Variants in PLCB1 observed in about 807,000 individuals in gnomAD.
PLCB1 encodes the protein 1-phosphatidylinositol 4,5-bisphosphate phosphodiesterase beta-1.
PLCB1 carries 46 observed loss-of-function variants against 161.8 expected under a neutral mutation model. That is an observed-to-expected ratio of 0.28 (90% CI 0.22 to 0.36). The LOEUF (loss-of-function observed/expected upper bound fraction) is 0.36. Ranked by LOEUF, PLCB1 falls within the 10% of genes least tolerant of loss-of-function variation. The pLI is 1.00. For missense variants in PLCB1, 1,016 were observed against 1,472.5 expected (o/e 0.69, Z 5.07); for synonymous variants, 517 against 503.7 (o/e 1.03, Z -0.35).
intron 2 of PLCB1, among the ~76,000 whole-genome samples, chr20:8,334,432 A>G (rs1357969793): frequency 1.4e-5 from 2 of 146,780 alleles, no homozygotes; most frequent in African/African-American, 4.9e-5. Context: ...CATTCATTAT[A>G]AATATTCTTT....
At chr20:8,615,428 C>T (rs1233032228) in intron 3 of PLCB1, among the ~76,000 whole-genome samples, 1 of 152,076 alleles carries the variant, frequency 6.6e-6, no homozygotes, top group Non-Finnish European at 1.5e-5. Flanking sequence ...AACATAATAG[C>T]TTTAGAAATC....
rs778428069 is a variant in PLCB1 at position 8,739,083 on chromosome 20, G to C, written c.2209-178G>C. On this transcript the variant is annotated intron_variant, in intron 20 of 31. Transcript: ENST00000338037. ...AGGAGAATGGCTTGAACCCAGAGGC[G>C]GAGGTTGCAGTGAGCCAAGATCACG... Among the ~76,000 whole-genome samples, 3 of 152,160 alleles carry C rather than the reference G, an allele frequency of 2.0e-5. No individual in the cohort carries two copies. In the East Asian group the frequency reaches 5.8e-4, roughly 29 times the overall value.
chr20:8,652,811 T>C lies in PLCB1; in HGVS notation c.594+3362T>C, dbSNP rs529632829. The C allele has an allele frequency of 7.2e-5, 11 of 152,178 alleles. No individual in the cohort carries two copies. The East Asian group carries it at 1.9e-3, about 27-fold the overall frequency. 9.4% of individuals were successfully genotyped at this position (152,178 alleles called of 1,614,324 possible). A position where few individuals can be genotyped will look rare whatever the true frequency, so the allele number is the denominator to read the frequency against. The stretch of plus-strand genomic sequence containing the variant: ...TGACGTGATCCACTAGAATAACATA[T>C]TCCTTTAGAAGATGCTACTCTTTAG... On this transcript the variant is annotated intron_variant, in intron 7 of 31. Coordinates refer to ENST00000338037, the MANE Select transcript of PLCB1 (RefSeq NM_015192.4).
chr20:8,323,860 C>CAA (rs11468221), intron 2 of PLCB1, among the ~76,000 whole-genome samples: 6 of 131,646 alleles, frequency 4.6e-5, no homozygotes, highest in East Asian at 2.1e-4. Context: ...TAGTCATTGC[C>CAA]AAAAAAAAAA....
At chr20:8,254,714 G>C (rs143818012) in intron 2 of PLCB1, among the ~76,000 whole-genome samples, 112 of 152,074 alleles carry the variant, frequency 7.4e-4, no homozygotes, top group African/African-American at 2.6e-3. Flanking sequence ...GGCACTTTTT[G>C]TTTAAAATAA....
chr20:8,334,730 C>T (rs904764653), intron 2 of PLCB1, among the ~76,000 whole-genome samples: 2 of 152,160 alleles, frequency 1.3e-5, no homozygotes, highest in African/African-American at 4.8e-5. Flanking sequence ...ATGTTGCTAT[C>T]CTGAAACAGG....
intron 1 of PLCB1, among the ~76,000 whole-genome samples, chr20:8,149,384 T>G (rs975006704): frequency 6.6e-6 from 1 of 152,178 alleles, no homozygotes; most frequent in East Asian, 1.9e-4. Context: ...TAGATTAAAA[T>G]CATTCATACT....
At chr20:8,850,140 C>T (rs1292595459) in intron 31 of PLCB1, among the ~76,000 whole-genome samples, 1 of 152,218 alleles carries the variant, frequency 6.6e-6, no homozygotes, top group Non-Finnish European at 1.5e-5. Flanking sequence ...GTGTGACTCC[C>T]AGCAGATTTC....
chr20:8,673,233 A>C (rs138448857), intron 9 of PLCB1, among the ~76,000 whole-genome samples: 19 of 152,228 alleles, frequency 1.2e-4, no homozygotes, highest in African/African-American at 4.6e-4. Context: ...CCTAATAGGA[A>C]ATTCTACCAG....
chr20:8,473,000 T>C (rs1462234344), intron 3 of PLCB1, among the ~76,000 whole-genome samples: 3 of 152,160 alleles, frequency 2.0e-5, no homozygotes, highest in Admixed American at 6.6e-5. Flanking sequence ...ACATCCAACT[T>C]ACCCTGCTAG....
chr20:8,709,748 G>T (rs375632171), intron 12 of PLCB1, among the ~76,000 whole-genome samples: 1 of 152,084 alleles, frequency 6.6e-6, no homozygotes, highest in East Asian at 1.9e-4. Flanking sequence ...CAGTTTGCCC[G>T]CCAGAAATCC....
intron 2 of PLCB1, among the ~76,000 whole-genome samples, chr20:8,230,579 A>T (rs6108126): frequency 0.31 from 47,645 of 152,022 alleles, 10,665 homozygotes; most frequent in African/African-American, 0.64. Flanking sequence ...GACCAGCTCT[A>T]TCTAAAGTGG....
intron 2 of PLCB1, among the ~76,000 whole-genome samples, chr20:8,296,305 G>A (rs1326306585): frequency 6.6e-6 from 1 of 152,126 alleles, no homozygotes; most frequent in East Asian, 1.9e-4. Context: ...ATTACTTGGA[G>A]TCACCTCCCA....
chr20:8,375,701 T>C (rs1400862824), intron 3 of PLCB1, among the ~76,000 whole-genome samples: 2 of 152,126 alleles, frequency 1.3e-5, no homozygotes, highest in Non-Finnish European at 2.9e-5. Flanking sequence ...AAGTGCCAGC[T>C]TTGCCATTAA....
chr20:8,844,437 G>T (rs1007209581), intron 31 of PLCB1, among the ~76,000 whole-genome samples: 1 of 152,192 alleles, frequency 6.6e-6, no homozygotes, highest in African/African-American at 2.4e-5. Flanking sequence ...TGTGGGACAG[G>T]CCAGGTTCCA....
At chr20:8,330,738 A>G (rs990976291) in intron 2 of PLCB1, among the ~76,000 whole-genome samples, 4 of 152,212 alleles carry the variant, frequency 2.6e-5, no homozygotes, top group African/African-American at 9.7e-5. Context: ...CAGATTCTGA[A>G]GATGGTGTCT....
At chr20:8,143,378 G>A (rs1230471198) in intron 1 of PLCB1, among the ~76,000 whole-genome samples, 1 of 152,120 alleles carries the variant, frequency 6.6e-6, no homozygotes, top group African/African-American at 2.4e-5. Context: ...TTTATTTGCT[G>A]CAGTACCTTC....
chr20:8,723,850 A>T (rs1979781706), intron 15 of PLCB1, among the ~76,000 whole-genome samples: 1 of 152,056 alleles, frequency 6.6e-6, no homozygotes, highest in Admixed American at 6.6e-5. Flanking sequence ...ATCAGGAGCC[A>T]AGAAGGGAGG....
At chr20:8,412,189 C>G (rs1979075652) in intron 3 of PLCB1, among the ~76,000 whole-genome samples, 1 of 152,156 alleles carries the variant, frequency 6.6e-6, no homozygotes, top group Non-Finnish European at 1.5e-5. Context: ...ACCCATCAAG[C>G]ACAATAGTTT....
Sources: allele counts gnomAD v4.1 joint callset (sites outside exome capture counted in the v4.1 genomes callset), GRCh38; gene constraint gnomAD v4.1.1; transcripts MANE v1.5; gene names NCBI Gene and HGNC (gene_info 2026-07-23, HGNC 2026-07-21).